RYR2: variants seen among roughly 807,000 people sequenced by gnomAD.
RYR2 encodes the protein cardiac muscle ryanodine receptor-calcium release channel.
In RYR2, 227 loss-of-function variants were observed where a neutral mutation model predicts 601.1. The observed-to-expected ratio is 0.38, with a 90% CI of 0.34 to 0.42. The LOEUF (loss-of-function observed/expected upper bound fraction) is 0.42, where lower values mean the gene tolerates loss of function less well. Among genes scored for constraint, RYR2 ranks in the 10% least tolerant of loss-of-function variants. The pLI is 1.00. For synonymous variants in RYR2, 2,223 were observed against 2,175.1 expected, an observed-to-expected ratio of 1.02 and a Z score of -0.61; for missense variants, 4,646 against 6,156.5, an observed-to-expected ratio of 0.75 and a Z score of 8.21.
chr1:237,475,066 A>T (rs907514118), intron 17 of RYR2, among the ~76,000 whole-genome samples: 1 of 152,228 alleles, frequency 6.6e-6, no homozygotes, highest in African/African-American at 2.4e-5. Context: ...ATACTATTTT[A>T]TATGCTTTAC....
At chr1:237,225,466 A>G (rs1684260575) in intron 1 of RYR2, among the ~76,000 whole-genome samples, 2 of 152,068 alleles carry the variant, frequency 1.3e-5, no homozygotes, top group African/African-American at 4.8e-5. Flanking sequence ...GCCTTATAAA[A>G]CCTTCAGATC....
intron 99 of RYR2, 63 bp from the exon 100 acceptor site, chr1:237,808,838 T>C (rs1660947462): frequency 6.5e-7 from 1 of 1,534,894 alleles, no homozygotes; most frequent in Admixed American, 1.7e-5. Context: ...CCCATGTAGA[T>C]GTCACGTGTC....
intron 8 of RYR2, among the ~76,000 whole-genome samples, chr1:237,382,572 T>C (rs1701622089): frequency 7.9e-6 from 1 of 127,014 alleles, no homozygotes; most frequent in African/African-American, 3.0e-5. Context: ...TTCCCCTTCC[T>C]GTGTCTAAGT....
intron 27 of RYR2, among the ~76,000 whole-genome samples, chr1:237,564,983 A>G (rs369481858): frequency 2.0e-5 from 3 of 152,308 alleles, no homozygotes; most frequent in African/African-American, 7.2e-5. Flanking sequence ...GATTATTTTT[A>G]TAGTTCTAAT....
intron 29 of RYR2, among the ~76,000 whole-genome samples, chr1:237,588,494 G>A (rs1275303339): frequency 6.6e-6 from 1 of 151,984 alleles, no homozygotes; most frequent in Non-Finnish European, 1.5e-5. Context: ...CAATACTGAC[G>A]TTTTTAGTGT....
intron 3 of RYR2, among the ~76,000 whole-genome samples, chr1:237,334,058 T>C (rs1399596219): frequency 6.6e-6 from 1 of 152,196 alleles, no homozygotes; most frequent in Non-Finnish European, 1.5e-5. Flanking sequence ...TCCAAAATGT[T>C]ATATGCACAT....
chr1:237,197,924 C>G (rs768988114), intron 1 of RYR2, among the ~76,000 whole-genome samples: 5 of 152,078 alleles, frequency 3.3e-5, no homozygotes, highest in Non-Finnish European at 5.9e-5. Flanking sequence ...ACTGAGGGAA[C>G]TGGTTTGAAA....
intron 100 of RYR2, among the ~76,000 whole-genome samples, 198 bp from the exon 101 acceptor site, chr1:237,818,838 T>C (rs1321196840): frequency 6.6e-6 from 1 of 151,960 alleles, no homozygotes; most frequent in Non-Finnish European, 1.5e-5. Context: ...GTATACACTT[T>C]TGTTTAAAAG....
In RYR2 at chr1:237,272,085, G is replaced by A. The variant is rs532495311; in HGVS notation, c.168+1469G>A. On this transcript the variant is annotated intron_variant, in intron 2 of 104. Coordinates refer to ENST00000366574, the MANE Select transcript of RYR2 (RefSeq NM_001035.3). ...GCGAAGATTGCAGTGAGCCAAGATC[G>A]CACCACTGCACTCCAGCCTGGGTGA... 9.9e-5 allele frequency among the ~76,000 whole-genome samples: 15 copies of A among 152,128 alleles called. No homozygotes were observed. In the South Asian group the frequency reaches 2.5e-3, roughly 25 times the overall value.
At chr1:237,664,960 A>G (rs1684168475) in intron 56 of RYR2, among the ~76,000 whole-genome samples, 1 of 152,234 alleles carries the variant, frequency 6.6e-6, no homozygotes, top group South Asian at 2.1e-4. Context: ...GGTAGTAGTG[A>G]TAATGATAGT....
At position 237,638,489 on chromosome 1, in the gene RYR2, A is replaced by C; in HGVS notation, c.6925A>C (p.Asn2309His). ...CTTTCTTAGATTTGCTGTCTTCTGT[A>C]ATGGTAGGACTTGATTTCTTGAGGT... ...LDFLRFAVFC[N>H]GESVEENANV... The change falls in exon 45 of 105, where the codon AAT becomes CAT. Residue 2309 changes from asparagine to histidine, a missense_variant. Around this residue, in one of 17 missense-constraint regions of RYR2, gnomAD observed 137 missense variants for 273.6 expected, o/e 0.50. Transcript: ENST00000366574. 1 of 1,613,786 alleles carries C rather than the reference A, an allele frequency of 6.2e-7. No individual in the cohort carries two copies. The highest frequency in any genetic ancestry group is 8.5e-7 in the Non-Finnish European group (1 of 1,179,710).
At chr1:237,381,251 CAAAAAAAAAAAA>C (rs60493059) in intron 8 of RYR2, among the ~76,000 whole-genome samples, 16 of 45,778 alleles carry the variant, frequency 3.5e-4, no homozygotes, top group African/African-American at 7.9e-4. Flanking sequence ...GACTCCGTCT[CAAAAAAAAAAAA>C]AAAAAAAAAA....
intron 99 of RYR2, among the ~76,000 whole-genome samples, chr1:237,807,046 G>A (rs1454535155): frequency 6.6e-6 from 1 of 152,084 alleles, no homozygotes; most frequent in Non-Finnish European, 1.5e-5. Flanking sequence ...TAAAATAATT[G>A]CCTCTCTAAA....
At chr1:237,200,329 A>G (rs1256992869) in intron 1 of RYR2, among the ~76,000 whole-genome samples, 1 of 151,434 alleles carries the variant, frequency 6.6e-6, no homozygotes, top group Non-Finnish European at 1.5e-5. Flanking sequence ...AGTGAGCATG[A>G]TCTTCATTCA....
At chr1:237,119,915 C>A (rs1004076815) in intron 1 of RYR2, among the ~76,000 whole-genome samples, 5 of 152,160 alleles carry the variant, frequency 3.3e-5, no homozygotes, top group African/African-American at 1.2e-4. Context: ...AACGAGTTAT[C>A]CCTAACTTTT....
chr1:237,790,444 T>A (rs533887623), intron 92 of RYR2, among the ~76,000 whole-genome samples: 1 of 152,194 alleles, frequency 6.6e-6, no homozygotes, highest in Non-Finnish European at 1.5e-5. Context: ...TTGCTTTCAC[T>A]GTTGTTCCAC....
At chr1:237,306,054 C>T (rs1372996054) in intron 2 of RYR2, among the ~76,000 whole-genome samples, 6 of 152,106 alleles carry the variant, frequency 3.9e-5, no homozygotes, top group Non-Finnish European at 5.9e-5. Flanking sequence ...GTCTTAACTA[C>T]AATTTTACTA....
chr1:237,708,829 G>C, intron 68 of RYR2, 29 bp from the exon 69 acceptor site: 1 of 1,586,050 alleles, frequency 6.3e-7, no homozygotes, highest in Non-Finnish European at 8.6e-7. Context: ...GTTTTACAGA[G>C]CAGAATACTA....
chr1:237,308,747 G>T (rs1371978631), intron 2 of RYR2, among the ~76,000 whole-genome samples: 2 of 152,200 alleles, frequency 1.3e-5, no homozygotes, highest in African/African-American at 4.8e-5. Flanking sequence ...TTACTGCAAG[G>T]CGTGAAAGAA....
Sources: gnomAD v4.1 joint callset for allele counts (sites outside exome capture counted in the v4.1 genomes callset) on GRCh38, gnomAD v4.1.1 for gene constraint, gnomAD v4.1.1 regional missense constraint, MANE v1.5 for transcripts, NCBI Gene and HGNC (gene_info 2026-07-23, HGNC 2026-07-21) for gene names.